The following UCP3 variants were observed in gnomAD, a reference collection of about 807,000 sequenced individuals.
The protein encoded by UCP3 is putative mitochondrial transporter UCP3.
In UCP3, 24 loss-of-function variants were observed where a neutral mutation model predicts 28.1. The observed-to-expected ratio is 0.85, with a 90% confidence interval of 0.62 to 1.20. UCP3 has a LOEUF of 1.20. UCP3 is among the 50% of genes most tolerant of loss of function. The probability of loss-of-function intolerance (pLI) is 0.00; values close to 1 mark genes in which losing one functional copy is unlikely to be tolerated. For synonymous variants in UCP3, 184 were observed against 171.2 expected (o/e 1.07, Z -0.59); for missense variants, 397 against 422.2 (o/e 0.94, Z 0.52).
intron 4 of UCP3, among the ~76,000 whole-genome samples, chr11:74,005,120 C>T (rs188692341): frequency 5.9e-5 from 9 of 152,318 alleles, no homozygotes; most frequent in African/African-American, 9.6e-5. Flanking sequence ...CTTCTGCAAA[C>T]GTTCCTGCAA....
chr11:74,001,839 G>T (rs1463111330), intron 6 of UCP3: 1 of 355,426 alleles, frequency 2.8e-6, no homozygotes, highest in East Asian at 6.9e-5. Context: ...GGCCCAGGGA[G>T]GTTAAGAGCT....
chr11:74,003,753 C>A, intron 6 of UCP3, 74 bp downstream of exon 6: 2 of 1,515,198 alleles, frequency 1.3e-6, no homozygotes, highest in Non-Finnish European at 8.8e-7. Context: ...CAGGTTGACC[C>A]ACGGTAGCCA....
rs1455670724 is a variant in UCP3, at chr11:74,000,642, G to A, written c.*770C>T. On this transcript the variant is annotated 3_prime_UTR_variant, in exon 7 of 7. Coordinates refer to ENST00000314032, the MANE Select transcript of UCP3 (RefSeq NM_003356.4). Reference sequence around the variant, plus strand: ...GTCCTTGTAGTTAGATTTACACAGAGCTTTTGCTTTTATAAAGTGCGTTCA... The same window carrying A: ...GTCCTTGTAGTTAGATTTACACAGAACTTTTGCTTTTATAAAGTGCGTTCA... 6.6e-6 allele frequency: 1 copy of A among 152,260 alleles called. No homozygotes were observed. Among genetic ancestry groups the A allele is most frequent in the East Asian group, 1.9e-4 (1 of 5,198 alleles). 9.4% of individuals were successfully genotyped at this position (152,260 alleles called of 1,614,324 possible).
At position 74,001,109 on chromosome 11, in the gene UCP3, T is replaced by C; in HGVS notation, c.*303A>G. On this transcript the variant is annotated 3_prime_UTR_variant, in exon 7 of 7. Transcript: ENST00000314032. Reference sequence around the variant, plus strand: ...TACACGTCTCCAACCTTCCATTTTGTCCAAATGGATCTATCTTGGTTTATT... The same window carrying C: ...TACACGTCTCCAACCTTCCATTTTGCCCAAATGGATCTATCTTGGTTTATT... 2.5e-6 allele frequency: 1 copy of C among 395,738 alleles called. No homozygotes were observed. The highest frequency in any genetic ancestry group is 4.6e-6 in the Non-Finnish European group (1 of 216,812). 24.5% of individuals were successfully genotyped at this position (395,738 alleles called of 1,614,324 possible).
rs547038288 is a variant in UCP3 at position 74,005,248 on chromosome 11, C to T, written c.541+482G>A. ...CGCTTCCTCGTTGCATCTCCCTGCG[C>T]CCACTCCTCACAGCTGTGCTTTTCT... On this transcript the variant is annotated intron_variant, in intron 4 of 6. Transcript: ENST00000314032. 3.3e-5 allele frequency among the ~76,000 whole-genome samples: 5 copies of T among 152,320 alleles called. No individual in the cohort carries two copies. In the East Asian group the frequency reaches 7.7e-4, roughly 24 times the overall value.
intron 4 of UCP3, among the ~76,000 whole-genome samples, chr11:74,005,006 C>T (rs1459141208): frequency 3.3e-5 from 5 of 152,224 alleles, no homozygotes; most frequent in Admixed American, 3.3e-4. Context: ...GATCAAACCC[C>T]TGGTTTCACA....
chr11:74,003,370 G>C, intron 6 of UCP3: 4 of 790,984 alleles, frequency 5.1e-6, no homozygotes, highest in Non-Finnish European at 6.1e-6. Flanking sequence ...ACACCTGAGA[G>C]TGTTAGGGAG....
chr11:74,007,268 G>T, intron 1 of UCP3, 131 bp from the exon 2 acceptor site: 1 of 589,084 alleles, frequency 1.7e-6, no homozygotes, highest in Non-Finnish European at 3.0e-6. Context: ...GCATGAATTT[G>T]GCCTATAAAA....
At chr11:74,008,487 G>A (rs1951682813) in intron 1 of UCP3, among the ~76,000 whole-genome samples, 1 of 152,168 alleles carries the variant, frequency 6.6e-6, no homozygotes, top group Non-Finnish European at 1.5e-5. Context: ...GCCCACTGAA[G>A]AAGCCGTCTG....
chr11:74,004,611 T>A, intron 4 of UCP3, 26 bp from the exon 5 acceptor site: 1 of 1,598,328 alleles, frequency 6.3e-7, no homozygotes, highest in Non-Finnish European at 8.6e-7. Flanking sequence ...TGGGGAGGGA[T>A]GTGAAATGGG....
chr11:74,006,838 G>A lies in UCP3; in HGVS notation c.126+79C>T, dbSNP rs912061637. 16 of 1,607,402 alleles carry A rather than the reference G, an allele frequency of 1.0e-5. No individual in the cohort carries two copies. In the African/African-American group the frequency reaches 1.6e-4, roughly 16 times the overall value. On this transcript the variant is annotated intron_variant, in intron 2 of 6. Transcript: ENST00000314032. ...CAGGGTTCTGAGGAAGGGCATGTGG[G>A]CACACGTCATGGGGGATATGGGAGA... is the stretch of plus-strand genomic sequence containing the variant.
chr11:74,003,555 GA>G, intron 6 of UCP3: 1 of 1,172,546 alleles, frequency 8.5e-7, no homozygotes, highest in Non-Finnish European at 1.1e-6. Flanking sequence ...GGAGGTCCAG[GA>G]GGTCTCAGGA....
At chr11:74,001,771 A>G in intron 6 of UCP3, 1 of 480,950 alleles carries the variant, frequency 2.1e-6, no homozygotes. Flanking sequence ...TTAGGCAGCG[A>G]ATTCTCACAG....
rs950147411 is a variant in UCP3 at position 74,005,882 on chromosome 11, G to GC, written c.388dup (p.Ala130GlyfsTer67). 2 of 1,614,036 alleles carry GC rather than the reference G, an allele frequency of 1.2e-6. No homozygotes were observed. Among genetic ancestry groups the GC allele is most frequent in the African/African-American group, 2.7e-5 (2 of 74,918 alleles). Reference sequence around the variant, plus strand: ...ATCTGTGGGCTGGGCACAGGTCACCGCCATGGCTCCTGTGGTGCAGCCGGC... The same window carrying GC: ...ATCTGTGGGCTGGGCACAGGTCACCGCCCATGGCTCCTGTGGTGCAGCCGGC... On this transcript the variant is annotated frameshift_variant, in exon 4 of 7. Coordinates refer to ENST00000314032, the MANE Select transcript of UCP3 (RefSeq NM_003356.4). LOFTEE classifies it high-confidence loss of function.
At chr11:74,007,170 G>A in intron 1 of UCP3, 33 bp from the exon 2 acceptor site, 1 of 1,277,924 alleles carries the variant, frequency 7.8e-7, no homozygotes, top group Non-Finnish European at 1.1e-6. Context: ...GGCTGATGGA[G>A]TGATGTCTGG....
chr11:74,003,998 G>C lies in UCP3; in HGVS notation c.653C>G (p.Pro218Arg), dbSNP rs1565190706. ...LDYHLLTDNF[P>R]CHFVSAFGAG... Reference sequence around the variant, plus strand: ...TCCAAAGGCAGAGACAAAGTGGCAGGGGAAGTTGTCTGCAGAGGAAGGACA... The same window carrying C: ...TCCAAAGGCAGAGACAAAGTGGCAGCGGAAGTTGTCTGCAGAGGAAGGACA... Residue 218 changes from proline (P) to arginine (R), a missense_variant, in exon 6 of 7, where the codon CCC becomes CGC. Transcript: ENST00000314032. 6.2e-7 allele frequency: 1 copy of C among 1,613,970 alleles called. No homozygotes were observed. Among genetic ancestry groups the C allele is most frequent in the Non-Finnish European group, 8.5e-7 (1 of 1,180,042 alleles).
chr11:74,001,996 G>T (rs943964061), intron 6 of UCP3: 1 of 232,692 alleles, frequency 4.3e-6, no homozygotes, highest in Non-Finnish European at 8.5e-6. Context: ...GCTTTGCAGG[G>T]TGAATACAGT....
chr11:74,008,021 C>A (rs1377901338), intron 1 of UCP3, among the ~76,000 whole-genome samples: 1 of 152,212 alleles, frequency 6.6e-6, no homozygotes, highest in Non-Finnish European at 1.5e-5. Flanking sequence ...TTGCTGGTTG[C>A]TTCTTGCACC....
In UCP3 at chr11:74,006,934, C is replaced by T; in HGVS notation, c.109G>A (p.Ala37Thr). The T allele has an allele frequency of 3.7e-6, 6 of 1,614,212 alleles. No individual in the cohort carries two copies. The highest frequency in any genetic ancestry group is 5.1e-6 in the Non-Finnish European group (6 of 1,180,040). Residue 37 changes from alanine (A) to threonine (T), a missense_variant, in exon 2 of 7, where the codon GCC (alanine) becomes ACC (threonine). Ala to Thr is a moderately conservative substitution (Grantham distance 58). Coordinates refer to ENST00000314032, the MANE Select transcript of UCP3 (RefSeq NM_003356.4). ...ADLVTFPLDT[A>T]KVRLQIQGEN... ...GCACCTACCTGCAGGCGGACCTTGG[C>T]TGTGTCCAGTGGAAAGGTAACGAGG... is the stretch of plus-strand genomic sequence containing the variant.
Sources: gnomAD v4.1 joint callset for allele counts (sites outside exome capture counted in the v4.1 genomes callset) on GRCh38, gnomAD v4.1.1 for gene constraint, MANE v1.5 for transcripts, NCBI Gene and HGNC (gene_info 2026-07-23, HGNC 2026-07-21) for gene names.